The following RAP1A variants were observed in gnomAD, a reference collection of about 807,000 sequenced individuals.
RAP1A encodes ras-related protein Rap-1A.
In RAP1A, 6 loss-of-function variants were observed where a neutral mutation model predicts 26.4. The ratio of observed to expected loss-of-function variants is 0.23; its 90% confidence interval spans 0.12 to 0.45. The LOEUF is 0.45. RAP1A is among the 20% of genes least tolerant of loss of function. The pLI is 0.99. For synonymous variants in RAP1A, 73 were observed against 79.4 expected, an observed-to-expected ratio of 0.92 and a Z score of 0.43; for missense variants, 121 against 217.2, an observed-to-expected ratio of 0.56 and a Z score of 2.78.
At chr1:111,624,295 A>G (rs1659322378) in intron 1 of RAP1A, among the ~76,000 whole-genome samples, 1 of 152,232 alleles carries the variant, frequency 6.6e-6, no homozygotes, top group African/African-American at 2.4e-5. Context: ...ACTGAGACAG[A>G]TGAAGTGTCC....
chr1:111,642,895 G>C (rs555120802), intron 1 of RAP1A, among the ~76,000 whole-genome samples: 1 of 148,890 alleles, frequency 6.7e-6, no homozygotes, highest in Non-Finnish European at 1.5e-5. Flanking sequence ...TCAGCCTCCC[G>C]GGTAGCTGGG....
intron 1 of RAP1A, among the ~76,000 whole-genome samples, chr1:111,556,992 T>G (rs1657519876): frequency 6.6e-6 from 1 of 152,074 alleles, no homozygotes; most frequent in Admixed American, 6.5e-5. Flanking sequence ...TGATAAAAGA[T>G]GCAAATATTC....
In RAP1A at chr1:111,699,463, C is replaced by CTTTTT. The variant is rs11435540; in HGVS notation, c.183+1978_183+1982dup. 7.7e-4 allele frequency among the ~76,000 whole-genome samples: 95 copies of CTTTTT among 124,164 alleles called. 1 individual carries two copies. Among genetic ancestry groups the CTTTTT allele is most frequent in the African/African-American group, 1.6e-3 (54 of 32,914 alleles). 81.5% of individuals were successfully genotyped at this position (124,164 alleles called of 152,430 possible). On this transcript the variant is annotated intron_variant, in intron 4 of 7. Transcript: ENST00000369709. ...TTTTTCTTTATCCATCTCACTTCCT[C>CTTTTT]TTTTTTTTTTTTTTTTGAAACAGGG...
At chr1:111,560,033 G>C (rs967818207) in intron 1 of RAP1A, among the ~76,000 whole-genome samples, 1 of 152,156 alleles carries the variant, frequency 6.6e-6, no homozygotes, top group South Asian at 2.1e-4. Flanking sequence ...GCTCAGAGTA[G>C]GCAATTTTTT....
At position 111,633,864 on chromosome 1, in the gene RAP1A, G is replaced by A. The variant is rs530381166; in HGVS notation, c.-28+13930G>A. On this transcript the variant is annotated intron_variant, in intron 1 of 7. Coordinates refer to ENST00000369709, the MANE Select transcript of RAP1A (RefSeq NM_002884.4). ...CTAATATTCCCATTAGGCTTCAGAC[G>A]TGGACTGCTGTCACAACAGAACATA... 2.2e-3 allele frequency among the ~76,000 whole-genome samples: 339 copies of A among 152,296 alleles called. 1 individual carries two copies. Among genetic ancestry groups the A allele is most frequent in the African/African-American group, 7.6e-3 (317 of 41,552 alleles).
chr1:111,676,666 A>T (rs546891425), intron 1 of RAP1A, among the ~76,000 whole-genome samples: 1 of 152,296 alleles, frequency 6.6e-6, no homozygotes, highest in South Asian at 2.1e-4. Context: ...CAAGATACAG[A>T]TCATTCTCAT....
At chr1:111,646,576 T>G (rs112787401) in intron 1 of RAP1A, among the ~76,000 whole-genome samples, 19,614 of 152,082 alleles carry the variant, frequency 0.13, 1,603 homozygotes, top group South Asian at 0.17. Flanking sequence ...AGTCTCACTC[T>G]GTCCCCTAGG....
At chr1:111,710,966 G>A (rs1025539939) in intron 7 of RAP1A, among the ~76,000 whole-genome samples, 2 of 152,206 alleles carry the variant, frequency 1.3e-5, no homozygotes, top group Non-Finnish European at 2.9e-5. Flanking sequence ...TGAGTAGCTG[G>A]GACTTCAGGT....
intron 4 of RAP1A, among the ~76,000 whole-genome samples, chr1:111,699,941 C>A (rs1292265183): frequency 6.6e-6 from 1 of 152,164 alleles, no homozygotes; most frequent in South Asian, 2.1e-4. Context: ...TTTTCAGCAG[C>A]CTTTGACTCA....
intron 1 of RAP1A, among the ~76,000 whole-genome samples, chr1:111,601,328 T>C (rs1387067337): frequency 6.6e-6 from 1 of 152,066 alleles, no homozygotes; most frequent in Non-Finnish European, 1.5e-5. Flanking sequence ...GGTAACCCAC[T>C]GCTGAGAAAG....
chr1:111,618,990 A>C (rs78946135), upstream of RAP1A, among the ~76,000 whole-genome samples: 2,278 of 152,338 alleles, frequency 0.015, 51 homozygotes, highest in African/African-American at 0.052. Context: ...AGATGCGGTC[A>C]TTCCTCGGCT....
intron 2 of RAP1A, among the ~76,000 whole-genome samples, chr1:111,695,014 C>T (rs998976476): frequency 1.3e-5 from 2 of 151,986 alleles, no homozygotes; most frequent in African/African-American, 2.4e-5. Context: ...TATAAAGGGG[C>T]AATAGGAGTT....
chr1:111,563,842 T>G (rs1270923239), intron 1 of RAP1A: 2 of 1,611,044 alleles, frequency 1.2e-6, no homozygotes, highest in Non-Finnish European at 1.7e-6. Flanking sequence ...CTGCTATGAC[T>G]CACTGTGACT....
intron 1 of RAP1A, among the ~76,000 whole-genome samples, chr1:111,643,717 C>A (rs888915577): frequency 6.6e-6 from 1 of 152,148 alleles, no homozygotes; most frequent in Non-Finnish European, 1.5e-5. Flanking sequence ...AATGACAATC[C>A]GTGCTTATCA....
chr1:111,607,696 C>T (rs1486707175), intron 1 of RAP1A, among the ~76,000 whole-genome samples: 1 of 134,296 alleles, frequency 7.4e-6, no homozygotes, highest in Non-Finnish European at 1.6e-5. Flanking sequence ...GCGGGCTGAC[C>T]CCCCCACCTC....
At chr1:111,665,924 A>G (rs1021286244) in intron 1 of RAP1A, among the ~76,000 whole-genome samples, 4 of 152,226 alleles carry the variant, frequency 2.6e-5, no homozygotes, top group African/African-American at 7.2e-5. Context: ...CTTTAAAATG[A>G]TTTAAAGTAA....
intron 3 of RAP1A, among the ~76,000 whole-genome samples, chr1:111,695,944 T>C (rs1340843683): frequency 2.6e-5 from 4 of 152,226 alleles, no homozygotes; most frequent in Admixed American, 6.5e-5. Flanking sequence ...GATGTGTTCA[T>C]GTGGGTTCAT....
upstream of RAP1A, among the ~76,000 whole-genome samples, chr1:111,617,388 T>A (rs1313022569): frequency 1.3e-5 from 2 of 152,136 alleles, no homozygotes; most frequent in African/African-American, 4.8e-5. Context: ...GCTTCTCACC[T>A]ATTTGAGGAC....
chr1:111,675,651 C>T (rs1270270764), intron 1 of RAP1A, among the ~76,000 whole-genome samples: 1 of 152,184 alleles, frequency 6.6e-6, no homozygotes, highest in Non-Finnish European at 1.5e-5. Context: ...TTCCTTGACA[C>T]CTAGTACAGA....
Sources: allele counts gnomAD v4.1 joint callset (sites outside exome capture counted in the v4.1 genomes callset), GRCh38; gene constraint gnomAD v4.1.1; transcripts MANE v1.5; gene names NCBI Gene and HGNC (gene_info 2026-07-23, HGNC 2026-07-21).